Variants in MMUT observed in about 807,000 individuals in gnomAD.
MMUT encodes the protein methylmalonyl-CoA mutase, mitochondrial.
A neutral mutation model predicts 79.9 loss-of-function variants in MMUT; 79 were observed. The observed-to-expected ratio is 0.99, with a 90% CI of 0.82 to 1.19. MMUT has a LOEUF of 1.19. Among genes scored for constraint, MMUT ranks in the 50% most tolerant of loss-of-function variants. The pLI, the probability that MMUT is intolerant of heterozygous loss-of-function variation, is 0.00. For missense variants in MMUT, 860 were observed against 917.2 expected (o/e 0.94, Z 0.81); for synonymous variants, 273 against 295.7 (o/e 0.92, Z 0.79).
rs1391461048 is a variant in MMUT, at chr6:49,435,602, G to A, written c.1978C>T (p.Gln660Ter). The change falls in exon 12 of 13, where the codon CAG (glutamine) becomes TAG (stop). Residue 660 changes from glutamine to a stop codon, truncating the protein, a stop_gained. Coordinates refer to ENST00000274813, the MANE Select transcript of MMUT (RefSeq NM_000255.4). LOFTEE classifies it high-confidence loss of function. ...GCATGCACATCCGCATCCACAGCCTGCTGGGCCACTTCACGAGGAGTCTAA... is the reference window on the plus strand; with the variant it reads ...GCATGCACATCCGCATCCACAGCCTACTGGGCCACTTCACGAGGAGTCTAA... Reference protein sequence around the residue: ...LFQTPREVAQQAVDADVHAVG... With the variant: ...LFQTPREVAQ 2.5e-6 allele frequency: 4 copies of A among 1,613,874 alleles called. No individual in the cohort carries two copies. The highest frequency in any genetic ancestry group is 3.4e-6 in the Non-Finnish European group (4 of 1,179,946).
At chr6:49,439,074 C>T (rs912665587) in intron 11 of MMUT, among the ~76,000 whole-genome samples, 1 of 152,072 alleles carries the variant, frequency 6.6e-6, no homozygotes, top group Non-Finnish European at 1.5e-5. Flanking sequence ...GGCATTTGAG[C>T]TACTTTCTCA....
chr6:49,445,473 C>T (rs991063111), intron 8 of MMUT, among the ~76,000 whole-genome samples: 21 of 152,048 alleles, frequency 1.4e-4, no homozygotes, highest in Non-Finnish European at 2.8e-4. Context: ...TTATAGTCAT[C>T]CCTCAGTATC....
intron 1 of MMUT, among the ~76,000 whole-genome samples, chr6:49,462,241 T>C (rs1156431031): frequency 6.6e-6 from 1 of 152,152 alleles, no homozygotes; most frequent in Non-Finnish European, 1.5e-5. Context: ...TAAAATGAGT[T>C]AAAGAGCAAT....
At chr6:49,459,023 TA>T in intron 2 of MMUT, 58 bp downstream of exon 2, 1 of 1,539,590 alleles carries the variant, frequency 6.5e-7, no homozygotes, top group South Asian at 1.2e-5. Flanking sequence ...CCCCAAAAAA[TA>T]AAAAACTAGG....
intron 12 of MMUT, among the ~76,000 whole-genome samples, chr6:49,432,426 T>C (rs886734469): frequency 6.6e-6 from 1 of 152,098 alleles, no homozygotes; most frequent in Admixed American, 6.5e-5. Flanking sequence ...CTCGCTCTGT[T>C]GCCCAGACTG....
intron 8 of MMUT, 121 bp from the exon 9 acceptor site, chr6:49,444,875 A>G: frequency 1.5e-6 from 1 of 665,164 alleles, no homozygotes; most frequent in Non-Finnish European, 2.6e-6. Flanking sequence ...CTCCAAATTT[A>G]AGAGGAAAAA....
chr6:49,461,947 AG>A (rs1451014342), intron 1 of MMUT, among the ~76,000 whole-genome samples: 2 of 152,222 alleles, frequency 1.3e-5, no homozygotes, highest in African/African-American at 4.8e-5. Flanking sequence ...ATCCTGTAAA[AG>A]GTAATTTGAA....
rs1026703654 is a variant in MMUT, at chr6:49,453,628, A to C, written c.1040T>G (p.Leu347Arg). ...TCCAGATGTCTGACAGTGTGCTCTT[A>C]GAAGAAGAGATTTTGAGTTTTTAGG... The part of the protein sequence containing the change: ...FQPKNSKSLL[L>R]RAHCQTSGWS... The change falls in exon 5 of 13, where the codon CTA becomes CGA. Residue 347 changes from leucine (L) to arginine (R), a missense_variant. Physicochemically the swap from Leu to Arg is moderately radical, Grantham distance 102. Coordinates refer to ENST00000274813, the MANE Select transcript of MMUT (RefSeq NM_000255.4). 1.2e-6 allele frequency: 2 copies of C among 1,612,824 alleles called. No individual in the cohort carries two copies. Among genetic ancestry groups the C allele is most frequent in the Non-Finnish European group, 1.7e-6 (2 of 1,179,182 alleles).
intron 11 of MMUT, 110 bp from the exon 12 acceptor site, chr6:49,435,733 G>C: frequency 8.7e-7 from 1 of 1,154,996 alleles, no homozygotes; most frequent in Non-Finnish European, 1.2e-6. Flanking sequence ...AATGGGCAAA[G>C]ACTTCATGAT....
rs545334525 is a variant in MMUT, at chr6:49,441,862, C to T, written c.1786G>A (p.Glu596Lys). ...AYRQEFGESK[E>K]ITSAIKRVHK... ...TACCTCTTGATAGCAGATGTTATCT[C>T]TTTACTTTCTCCAAATTCCTGGCGA... Residue 596 changes from glutamate (E) to lysine (K), a missense_variant, in exon 10 of 13, where the codon GAG (glutamate) becomes AAG (lysine). By Grantham distance (56) the Glu-to-Lys change is moderately conservative (BLOSUM62 1). Transcript: ENST00000274813. The T allele has an allele frequency of 1.2e-6, 2 of 1,611,758 alleles. No individual in the cohort carries two copies. Among genetic ancestry groups the T allele is most frequent in the African/African-American group, 1.3e-5 (1 of 74,926 alleles).
chr6:49,460,485 T>TA (rs1767814231), intron 1 of MMUT, among the ~76,000 whole-genome samples: 1 of 152,178 alleles, frequency 6.6e-6, no homozygotes, highest in Admixed American at 6.5e-5. Flanking sequence ...ATATTCCGGA[T>TA]AACTAGCATA....
rs1767343372 is a variant in MMUT, at chr6:49,443,902, G to A, written c.1676+737C>T. 6 of 356,408 alleles carry A rather than the reference G, an allele frequency of 1.7e-5. No individual in the cohort carries two copies. The Middle Eastern group carries it at 1.9e-3, about 112-fold the overall frequency. 22.1% of individuals were successfully genotyped at this position (356,408 alleles called of 1,614,324 possible). A position where few individuals can be genotyped will look rare whatever the true frequency, so the allele number is the denominator to read the frequency against. ...CAAAAGTTAGGAGACAAAGGAGCAT[G>A]TTAAGGGTTACAAAGGCAAAACGTC... On this transcript the variant is annotated intron_variant, in intron 9 of 12. Transcript: ENST00000274813.
chr6:49,459,016 C>T, intron 2 of MMUT, 66 bp downstream of exon 2: 1 of 1,505,936 alleles, frequency 6.6e-7, no homozygotes, highest in East Asian at 2.3e-5. Context: ...GATTAACCCC[C>T]AAAAAATAAA....
intron 10 of MMUT, among the ~76,000 whole-genome samples, chr6:49,441,025 C>T (rs1025551230): frequency 3.9e-5 from 6 of 152,100 alleles, no homozygotes; most frequent in African/African-American, 1.4e-4. Flanking sequence ...AAATTTACTT[C>T]CAACACAAAA....
intron 1 of MMUT, among the ~76,000 whole-genome samples, chr6:49,461,643 C>A (rs747798594): frequency 6.6e-6 from 1 of 152,212 alleles, no homozygotes; most frequent in South Asian, 2.1e-4. Context: ...GTGGCGCACA[C>A]CAGTAATCCC....
intron 6 of MMUT, 126 bp downstream of exon 6, chr6:49,451,340 T>C: frequency 8.9e-7 from 1 of 1,127,418 alleles, no homozygotes; most frequent in Non-Finnish European, 1.2e-6. Context: ...AATTATTATA[T>C]AAATCTGTAA....
At chr6:49,458,517 C>T (rs1413028901) in intron 2 of MMUT, among the ~76,000 whole-genome samples, 2 of 152,104 alleles carry the variant, frequency 1.3e-5, no homozygotes, top group South Asian at 2.1e-4. Context: ...TTATGACCAT[C>T]GTACAAAATT....
At chr6:49,448,585 T>C (rs545234705) in intron 7 of MMUT, among the ~76,000 whole-genome samples, 2 of 152,242 alleles carry the variant, frequency 1.3e-5, no homozygotes, top group African/African-American at 4.8e-5. Context: ...CACAAACATG[T>C]ACATATATAC....
At chr6:49,442,940 T>C (rs766521130) in intron 9 of MMUT, among the ~76,000 whole-genome samples, 33 of 152,066 alleles carry the variant, frequency 2.2e-4, no homozygotes, top group Middle Eastern at 3.2e-3. Flanking sequence ...TTAATAAAAG[T>C]CATCTAATTT....
Sources: allele counts gnomAD v4.1 joint callset (sites outside exome capture counted in the v4.1 genomes callset), GRCh38; gene constraint gnomAD v4.1.1; transcripts MANE v1.5; gene names NCBI Gene and HGNC (gene_info 2026-07-23, HGNC 2026-07-21).